PDZD2: variants seen among roughly 807,000 people sequenced by gnomAD.
The protein encoded by PDZD2 is PDZ domain containing 2, also known as PDZ domain-containing protein 2.
PDZD2 carries 90 observed loss-of-function variants against 220.7 expected under a neutral mutation model. The ratio of observed to expected loss-of-function variants is 0.41; its 90% CI spans 0.34 to 0.49. The LOEUF is 0.49. PDZD2 is among the 20% of genes least tolerant of loss of function. The probability of loss-of-function intolerance (pLI) is 0.28; values close to 1 mark genes in which losing one functional copy is unlikely to be tolerated. For missense variants in PDZD2, 3,174 were observed against 3,608.5 expected, an observed-to-expected ratio of 0.88 and a Z score of 3.08; for synonymous variants, 1,375 against 1,450.5, an observed-to-expected ratio of 0.95 and a Z score of 1.18.
chr5:31,949,856 T>A lies in PDZD2; in HGVS notation c.477-33299T>A, dbSNP rs377320481. Among the ~76,000 whole-genome samples the A allele has an allele frequency of 2.6e-4, 30 of 115,982 alleles. No individual in the cohort carries two copies. In the South Asian group the frequency reaches 4.8e-3, roughly 19 times the overall value. 76.1% of individuals were successfully genotyped at this position (115,982 alleles called of 152,430 possible). A position where few individuals can be genotyped will look rare whatever the true frequency, so the allele number is the denominator to read the frequency against. ...CCAGCTAATTTTTTTTTTTTTTTTT[T>A]AATTTTTAGTAGAGATGGCGTTTCA... On this transcript the variant is annotated intron_variant, in intron 2 of 24. Transcript: ENST00000438447.
At chr5:31,810,439 T>G (rs919842438) in intron 2 of PDZD2, among the ~76,000 whole-genome samples, 1 of 152,126 alleles carries the variant, frequency 6.6e-6, no homozygotes, top group Non-Finnish European at 1.5e-5. Context: ...AATTTTTGTA[T>G]ATTTTTTAGT....
chr5:32,097,461 C>T, intron 22 of PDZD2, 81 bp downstream of exon 22: 1 of 833,520 alleles, frequency 1.2e-6, no homozygotes, highest in Non-Finnish European at 2.1e-6. Context: ...AAATTCCAAT[C>T]AGCGGGTTCA....
intron 7 of PDZD2, among the ~76,000 whole-genome samples, chr5:32,040,778 GGCC>G (rs1756039547): frequency 1.5e-5 from 2 of 134,948 alleles, no homozygotes. Context: ...GCCTCTGCCC[GGCC>G]GCCACCCCGT....
At chr5:31,886,990 C>T (rs1372006120) in intron 2 of PDZD2, among the ~76,000 whole-genome samples, 3 of 152,176 alleles carry the variant, frequency 2.0e-5, no homozygotes, top group South Asian at 2.1e-4. Context: ...TGAGCCACCA[C>T]GCCTGGTCTC....
Position 31,981,836 on chromosome 5 carries a change from T to G in PDZD2, c.477-1319T>G, listed in dbSNP as rs190727491. 4.1e-4 allele frequency among the ~76,000 whole-genome samples: 63 copies of G among 152,308 alleles called. 1 individual carries two copies. Among genetic ancestry groups the G allele is most frequent in the Admixed American group, 7.2e-4 (11 of 15,308 alleles). On this transcript the variant is annotated intron_variant, in intron 2 of 24. Coordinates refer to ENST00000438447, the MANE Select transcript of PDZD2 (RefSeq NM_178140.4). ...CCAGCCCAGCCTGGTTTCCTGACTTTGCACAAGGGTTTTCTTTGCCCAAGC... is the reference window on the plus strand; with the variant it reads ...CCAGCCCAGCCTGGTTTCCTGACTTGGCACAAGGGTTTTCTTTGCCCAAGC...
chr5:32,091,278 A>AT, intron 20 of PDZD2, 103 bp downstream of exon 20: 10 of 539,566 alleles, frequency 1.9e-5, no homozygotes, highest in South Asian at 1.0e-4. Flanking sequence ...GTTCCCACTT[A>AT]CTTTTTTTTT....
intron 1 of PDZD2, among the ~76,000 whole-genome samples, chr5:31,719,322 C>T (rs1748641658): frequency 6.6e-6 from 1 of 152,076 alleles, no homozygotes; most frequent in Non-Finnish European, 1.5e-5. Context: ...GGTAAAATTC[C>T]AGCAAACAGA....
intron 14 of PDZD2, among the ~76,000 whole-genome samples, chr5:32,062,953 A>G (rs1165565062): frequency 2.6e-5 from 4 of 152,072 alleles, no homozygotes; most frequent in Non-Finnish European, 2.9e-5. Flanking sequence ...GAGCCAACGG[A>G]CATAGTATGT....
At position 31,896,362 on chromosome 5, in the gene PDZD2, GTGTGTA is replaced by G. The variant is rs3220071; in HGVS notation, c.477-86787_477-86782del. On this transcript the variant is annotated intron_variant, in intron 2 of 24. Transcript: ENST00000438447. ...TGTGTGTGTGTGTGTGTGTGTGTGT[GTGTGTA>G]TGTGTGTGTGTGAAATATCCACCTA... 4.2e-4 allele frequency among the ~76,000 whole-genome samples: 62 copies of G among 146,216 alleles called. 2 individuals carry two copies. In the South Asian group the frequency reaches 5.0e-3, roughly 12 times the overall value.
intron 2 of PDZD2, among the ~76,000 whole-genome samples, chr5:31,814,969 G>T (rs1755343573): frequency 6.6e-6 from 1 of 151,802 alleles, no homozygotes. Context: ...AAGGCCGGGG[G>T]CGGTGGCTCA....
chr5:31,962,881 C>A (rs754883934), intron 2 of PDZD2, among the ~76,000 whole-genome samples: 1 of 152,116 alleles, frequency 6.6e-6, no homozygotes, highest in Non-Finnish European at 1.5e-5. Context: ...TCACACTCTT[C>A]CCGGTGTGAA....
intron 2 of PDZD2, chr5:31,909,111 A>T (rs1319867577): frequency 1.2e-5 from 2 of 171,896 alleles, no homozygotes; most frequent in African/African-American, 4.8e-5. Flanking sequence ...TGGTTGCTTT[A>T]CTGGACTACT....
At chr5:31,847,906 A>T in intron 2 of PDZD2, 1 of 472,068 alleles carries the variant, frequency 2.1e-6, no homozygotes, top group South Asian at 1.7e-5. Flanking sequence ...ACCTAATGGA[A>T]GATGAAGATG....
At chr5:31,905,126 G>A (rs973512386) in intron 2 of PDZD2, among the ~76,000 whole-genome samples, 1 of 151,930 alleles carries the variant, frequency 6.6e-6, no homozygotes, top group Non-Finnish European at 1.5e-5. Flanking sequence ...TCACCACCAC[G>A]CCCGGCTAAT....
At chr5:31,869,122 C>A (rs1224233881) in intron 2 of PDZD2, among the ~76,000 whole-genome samples, 1 of 152,186 alleles carries the variant, frequency 6.6e-6, no homozygotes, top group African/African-American at 2.4e-5. Flanking sequence ...AGAGGCAAAT[C>A]CCCATCTTTC....
intron 7 of PDZD2, among the ~76,000 whole-genome samples, chr5:32,046,506 G>A (rs1476314896): frequency 6.6e-6 from 1 of 152,184 alleles, no homozygotes; most frequent in Non-Finnish European, 1.5e-5. Context: ...GCCTCTCAAA[G>A]TGCTGGGATT....
In PDZD2 at chr5:31,879,022, T is replaced by A. The variant is rs559337017; in HGVS notation, c.476+79298T>A. Among the ~76,000 whole-genome samples, 214 of 152,194 alleles carry A rather than the reference T, an allele frequency of 1.4e-3. 1 individual carries two copies. The highest frequency in any genetic ancestry group is 1.9e-3 in the Non-Finnish European group (130 of 68,008). ...TGGACCAGGACATTGATATGGTCAT[T>A]CACTGGGGGTGGCCACCCGTTTATA... On this transcript the variant is annotated intron_variant, in intron 2 of 24. Coordinates refer to ENST00000438447, the MANE Select transcript of PDZD2 (RefSeq NM_178140.4).
intron 1 of PDZD2, among the ~76,000 whole-genome samples, chr5:31,655,283 C>T (rs999012881): frequency 2.0e-5 from 3 of 152,162 alleles, no homozygotes; most frequent in Non-Finnish European, 2.9e-5. Flanking sequence ...AGCGATTCTC[C>T]TGCCTCAGCC....
At chr5:31,988,758 C>G (rs940705565) in intron 3 of PDZD2, among the ~76,000 whole-genome samples, 1 of 152,294 alleles carries the variant, frequency 6.6e-6, no homozygotes, top group Non-Finnish European at 1.5e-5. Context: ...TTTTCAAAGA[C>G]CATACTTAGT....
Sources: gnomAD v4.1 joint callset for allele counts (sites outside exome capture counted in the v4.1 genomes callset) on GRCh38, gnomAD v4.1.1 for gene constraint, MANE v1.5 for transcripts, NCBI Gene and HGNC (gene_info 2026-07-23, HGNC 2026-07-21) for gene names.